Variants in ABCB1 observed in about 807,000 individuals in gnomAD.
ABCB1 encodes ATP-dependent translocase ABCB1.
Under a neutral mutation model 142.0 loss-of-function variants are expected in ABCB1, and 69 were observed. The ratio of observed to expected loss-of-function variants is 0.49; its 90% CI spans 0.40 to 0.59. ABCB1 has a LOEUF of 0.59. Among genes scored for constraint, ABCB1 ranks in the 20% least tolerant of loss-of-function variants. The pLI is 0.00. For synonymous variants in ABCB1, 532 were observed against 539.2 expected (o/e 0.99, Z 0.18); for missense variants, 1,326 against 1,554.7 (o/e 0.85, Z 2.47).
intron 1 of ABCB1, among the ~76,000 whole-genome samples, chr7:87,634,763 A>G (rs1361171974): frequency 1.3e-5 from 2 of 152,220 alleles, no homozygotes; most frequent in Non-Finnish European, 1.5e-5. Flanking sequence ...TTTTGGCTAA[A>G]ACTCTTTCAG....
At chr7:87,622,810 C>T (rs1451364337) in intron 1 of ABCB1, among the ~76,000 whole-genome samples, 3 of 151,924 alleles carry the variant, frequency 2.0e-5, no homozygotes, top group Non-Finnish European at 2.9e-5. Context: ...AAGGGAGGAT[C>T]GCATGAGACC....
chr7:87,680,034 A>C (rs1443687582), intron 1 of ABCB1, among the ~76,000 whole-genome samples: 1 of 149,884 alleles, frequency 6.7e-6, no homozygotes, highest in Non-Finnish European at 1.5e-5. Context: ...CTAGCCACCC[A>C]CCCCTAGACA....
intron 27 of ABCB1, 143 bp downstream of exon 27, chr7:87,505,754 C>T: frequency 3.0e-6 from 3 of 1,001,114 alleles, no homozygotes; most frequent in Non-Finnish European, 3.0e-6. Context: ...TGAATAACAG[C>T]TACAGAAAGT....
Position 87,505,845 on chromosome 7 carries a change from A to T in ABCB1, c.3636+52T>A, listed in dbSNP as rs1057149482. ...TGTTCTTTACTATGGAGAATACAGC[A>T]TTTTTAAGGATGACTGATTCAAGTA... On this transcript the variant is annotated intron_variant, in intron 27 of 27. Transcript: ENST00000622132. The T allele has an allele frequency of 2.5e-6, 4 of 1,606,240 alleles. No individual in the cohort carries two copies. In the Admixed American group the frequency reaches 6.7e-5, roughly 27 times the overall value.
chr7:87,651,042 A>G (rs997554379), intron 1 of ABCB1: 5 of 650,184 alleles, frequency 7.7e-6, no homozygotes, highest in African/African-American at 1.8e-5. Flanking sequence ...CCAACATTCT[A>G]TAATGTGAAA....
At chr7:87,533,407 G>A (rs1816147899) in intron 20 of ABCB1, among the ~76,000 whole-genome samples, 1 of 152,170 alleles carries the variant, frequency 6.6e-6, no homozygotes, top group Non-Finnish European at 1.5e-5. Context: ...TAAATGTGCA[G>A]CTTTGGATAG....
At chr7:87,519,522 G>T in intron 22 of ABCB1, 56 bp from the exon 23 acceptor site, 2 of 1,610,188 alleles carry the variant, frequency 1.2e-6, no homozygotes, top group Non-Finnish European at 1.7e-6. Flanking sequence ...TCCTTAAAAT[G>T]TAACTTTTGA....
chr7:87,654,846 A>G (rs1823929224), intron 1 of ABCB1, among the ~76,000 whole-genome samples: 1 of 152,140 alleles, frequency 6.6e-6, no homozygotes, highest in African/African-American at 2.4e-5. Context: ...GAGGAACTCA[A>G]TAGTAAGAAA....
intron 2 of ABCB1, 103 bp from the exon 3 acceptor site, chr7:87,595,917 A>G (rs531722214): frequency 1.2e-6 from 1 of 858,874 alleles, no homozygotes; most frequent in African/African-American, 1.7e-5. Flanking sequence ...TAGGAAGAAG[A>G]AATATGTCTA....
intron 7 of ABCB1, among the ~76,000 whole-genome samples, chr7:87,565,079 C>A (rs1314500399): frequency 1.3e-5 from 2 of 152,146 alleles, no homozygotes; most frequent in African/African-American, 4.8e-5. Context: ...GAGATAATAC[C>A]TATACTTCAG....
At position 87,504,405 on chromosome 7, in the gene ABCB1, GCA is replaced by G. The variant is rs767563447; in HGVS notation, c.3679_3680del (p.Cys1227HisfsTer62). Reference sequence around the variant, plus strand: ...TGGACAGGCGGTGAGCAATCACAATGCAGGTGCGGCCTTCTCTGGCTTTGTCC... The same window carrying G: ...TGGACAGGCGGTGAGCAATCACAATGGGTGCGGCCTTCTCTGGCTTTGTCC... The part of the protein sequence containing the change: ...ALDKAREGRT[C>X]IVIAHRLSTI... On this transcript the variant is annotated frameshift_variant, in exon 28 of 28. Coordinates refer to ENST00000622132, the MANE Select transcript of ABCB1 (RefSeq NM_001348946.2). LOFTEE classifies it high-confidence loss of function. 4.3e-6 allele frequency: 7 copies of G among 1,613,990 alleles called. No homozygotes were observed. Among genetic ancestry groups the G allele is most frequent in the African/African-American group, 2.7e-5 (2 of 74,928 alleles).
rs28381882 is a variant in ABCB1 at position 87,553,571 on chromosome 7, C to A, written c.999+190G>T. 1.8e-3 allele frequency among the ~76,000 whole-genome samples: 279 copies of A among 152,242 alleles called. 1 individual carries two copies. Among genetic ancestry groups the A allele is most frequent in the African/African-American group, 6.5e-3 (271 of 41,558 alleles). On this transcript the variant is annotated intron_variant, in intron 9 of 27. Coordinates refer to ENST00000622132, the MANE Select transcript of ABCB1 (RefSeq NM_001348946.2). The stretch of plus-strand genomic sequence containing the variant: ...TCCTGACCTCGTGATCTGCCTGCCT[C>A]GGCCTCCCAAAGTGCTGGGATTACA...
intron 1 of ABCB1, among the ~76,000 whole-genome samples, chr7:87,654,000 CTAAG>C (rs948545084): frequency 3.3e-5 from 5 of 152,006 alleles, no homozygotes; most frequent in African/African-American, 2.4e-5. Flanking sequence ...TTTTATTTCT[CTAAG>C]TTAGTTTGCC....
rs1044890354 is a variant in ABCB1 at position 87,504,316 on chromosome 7, T to C, written c.3770A>G (p.His1257Arg). Reference sequence around the variant, plus strand: ...GCCTTTCTGTGCCAGCAGCTGCTGATGCGTGCCATGCTCCTTGACTCTGCC... The same window carrying C: ...GCCTTTCTGTGCCAGCAGCTGCTGACGCGTGCCATGCTCCTTGACTCTGCC... The part of the protein sequence containing the change: ...QNGRVKEHGT[H>R]QQLLAQKGIY... The change falls in exon 28 of 28, where the codon CAT becomes CGT. Residue 1257 changes from histidine (H) to arginine (R), a missense_variant. His to Arg is a conservative substitution (Grantham distance 29). Transcript: ENST00000622132. 5.6e-6 allele frequency: 9 copies of C among 1,614,072 alleles called. No homozygotes were observed. Among genetic ancestry groups the C allele is most frequent in the South Asian group, 1.1e-5 (1 of 91,086 alleles).
At chr7:87,706,388 A>G (rs909485137) in intron 1 of ABCB1, among the ~76,000 whole-genome samples, 6 of 152,130 alleles carry the variant, frequency 3.9e-5, no homozygotes, top group African/African-American at 1.2e-4. Context: ...AGAAGCAGAG[A>G]ATTTATTGAG....
At chr7:87,526,813 TC>T (rs1433540916) in intron 21 of ABCB1, among the ~76,000 whole-genome samples, 14 of 152,202 alleles carry the variant, frequency 9.2e-5, no homozygotes, top group African/African-American at 3.4e-4. Context: ...CTGAGGCTTA[TC>T]TTTTCCCTTC....
intron 1 of ABCB1, among the ~76,000 whole-genome samples, chr7:87,623,444 T>C (rs572115898): frequency 6.6e-6 from 1 of 152,374 alleles, no homozygotes; most frequent in African/African-American, 2.4e-5. Flanking sequence ...CAAGGTACTC[T>C]TCATTATGTG....
At chr7:87,602,942 A>G (rs979731511), upstream of ABCB1, 8 of 152,146 alleles carry the variant, frequency 5.3e-5, no homozygotes, top group African/African-American at 1.9e-4. Flanking sequence ...AGCTTCCTTA[A>G]TTTCTGATGA....
rs1160807373 is a variant in ABCB1, at chr7:87,545,871, T to G, written c.1879A>C (p.Thr627Pro). 6.2e-7 allele frequency: 1 copy of G among 1,614,154 alleles called. No homozygotes were observed. The highest frequency in any genetic ancestry group is 1.7e-5 in the Admixed American group (1 of 60,032). ...CTGAAGTTAAACTATACCTGCATTG[T>G]GACAAGTTTGAAGTAAATGCCTTTC... ...KEKGIYFKLV[T>P]MQTAGNEVEL... The change falls in exon 15 of 28, where the codon ACA becomes CCA. Residue 627 changes from threonine (T) to proline (P), a missense_variant. Physicochemically the swap from Thr to Pro is conservative, Grantham distance 38. Coordinates refer to ENST00000622132, the MANE Select transcript of ABCB1 (RefSeq NM_001348946.2).
Sources: gnomAD v4.1 joint callset for allele counts (sites outside exome capture counted in the v4.1 genomes callset) on GRCh38, gnomAD v4.1.1 for gene constraint, MANE v1.5 for transcripts, NCBI Gene and HGNC (gene_info 2026-07-23, HGNC 2026-07-21) for gene names.